LRRIQ1: variants seen among roughly 807,000 people sequenced by gnomAD.
LRRIQ1 encodes the protein leucine-rich repeat- and IQ domain-containing protein 1.
In LRRIQ1, 210 loss-of-function variants were observed where a neutral mutation model predicts 211.9. The observed-to-expected ratio is 0.99, with a 90% CI of 0.89 to 1.11. LRRIQ1 has a LOEUF of 1.11. Among genes scored for constraint, LRRIQ1 ranks in the 50% most tolerant of loss-of-function variants. The probability of loss-of-function intolerance (pLI) is 0.00; values close to 1 mark genes in which losing one functional copy is unlikely to be tolerated. For missense variants in LRRIQ1, 2,136 were observed against 1,939.5 expected, an observed-to-expected ratio of 1.10 and a Z score of -1.90; for synonymous variants, 699 against 650.1, an observed-to-expected ratio of 1.08 and a Z score of -1.14.
At chr12:85,092,894 T>C (rs1034115746) in intron 11 of LRRIQ1, among the ~76,000 whole-genome samples, 1 of 152,188 alleles carries the variant, frequency 6.6e-6, no homozygotes, top group Non-Finnish European at 1.5e-5. Flanking sequence ...GCTAATGACA[T>C]TTGTCATGAA....
chr12:85,264,572 A>G (rs567561279), downstream of LRRIQ1: 1 of 152,212 alleles, frequency 6.6e-6, no homozygotes, highest in South Asian at 2.1e-4. Flanking sequence ...AGCACTACTT[A>G]ATTCATGTTG....
intron 18 of LRRIQ1, among the ~76,000 whole-genome samples, chr12:85,137,644 A>C (rs1428656834): frequency 6.6e-6 from 1 of 151,626 alleles, no homozygotes; most frequent in Non-Finnish European, 1.5e-5. Context: ...ACTACAAGGA[A>C]AGTCTCCTGA....
At chr12:85,163,506 T>C (rs530809259) in intron 24 of LRRIQ1, among the ~76,000 whole-genome samples, 12 of 152,280 alleles carry the variant, frequency 7.9e-5, no homozygotes, top group African/African-American at 2.6e-4. Context: ...ACTGCTTGAC[T>C]ATTGCTTTCC....
intron 24 of LRRIQ1, among the ~76,000 whole-genome samples, chr12:85,198,077 T>A (rs1893074773): frequency 9.2e-6 from 1 of 108,170 alleles, no homozygotes; most frequent in African/African-American, 3.8e-5. Context: ...ATTATTTATA[T>A]ATAATTTATT....
At chr12:85,069,462 G>T (rs1429954185) in intron 10 of LRRIQ1, among the ~76,000 whole-genome samples, 8 of 151,974 alleles carry the variant, frequency 5.3e-5, no homozygotes, top group African/African-American at 1.7e-4. Flanking sequence ...TCCTAGTAAT[G>T]GGATGGCTGG....
intron 24 of LRRIQ1, among the ~76,000 whole-genome samples, chr12:85,214,888 A>C (rs994039004): frequency 6.6e-6 from 1 of 152,166 alleles, no homozygotes; most frequent in African/African-American, 2.4e-5. Context: ...GAAAGATGTC[A>C]TAATAGTAGT....
chr12:85,256,576 C>G (rs1896100967), intron 1 of LRRIQ1, among the ~76,000 whole-genome samples: 1 of 151,452 alleles, frequency 6.6e-6, no homozygotes, highest in African/African-American at 2.4e-5. Context: ...ATGAAAGTTT[C>G]CATGAAAAAT....
Position 85,071,897 on chromosome 12 carries a change from G to A in LRRIQ1, c.2696-1010G>A, listed in dbSNP as rs148945128. ...TATCTCCACCTGGCCTGCCCTTGAC[G>A]TGTGGGGATTATTACAATTCAAGGT... is the stretch of plus-strand genomic sequence containing the variant. On this transcript the variant is annotated intron_variant, in intron 10 of 26. Coordinates refer to ENST00000393217, the MANE Select transcript of LRRIQ1 (RefSeq NM_001079910.2). 3.1e-3 allele frequency among the ~76,000 whole-genome samples: 464 copies of A among 152,102 alleles called. 1 individual carries two copies. Among genetic ancestry groups the A allele is most frequent in the African/African-American group, 0.01 (427 of 41,520 alleles).
At chr12:85,114,093 C>T (rs932240699) in intron 15 of LRRIQ1, among the ~76,000 whole-genome samples, 1 of 152,062 alleles carries the variant, frequency 6.6e-6, no homozygotes, top group Non-Finnish European at 1.5e-5. Flanking sequence ...TTAAAGTACT[C>T]CTAATCTCCA....
intron 26 of LRRIQ1, among the ~76,000 whole-genome samples, chr12:85,239,082 C>G (rs1019977328): frequency 2.0e-5 from 3 of 151,902 alleles, no homozygotes; most frequent in Non-Finnish European, 4.4e-5. Context: ...CTCATAACTG[C>G]AAAACACTGC....
At chr12:85,215,802 G>T (rs925112827) in intron 24 of LRRIQ1, among the ~76,000 whole-genome samples, 2 of 152,036 alleles carry the variant, frequency 1.3e-5, no homozygotes, top group Non-Finnish European at 2.9e-5. Flanking sequence ...AATAAAAAAA[G>T]AACCGTATCT....
chr12:85,142,080 T>C (rs929053400), intron 19 of LRRIQ1, among the ~76,000 whole-genome samples: 1 of 151,480 alleles, frequency 6.6e-6, no homozygotes, highest in Non-Finnish European at 1.5e-5. Context: ...TCTCTAAGAA[T>C]AGAATTCTAG....
chr12:85,088,780 A>G (rs952730421), intron 11 of LRRIQ1, among the ~76,000 whole-genome samples: 3 of 152,134 alleles, frequency 2.0e-5, no homozygotes, highest in Non-Finnish European at 4.4e-5. Flanking sequence ...TGATTTTTGC[A>G]CATTGATTTT....
chr12:85,101,930 T>C (rs1015662851), intron 13 of LRRIQ1, among the ~76,000 whole-genome samples: 1 of 151,700 alleles, frequency 6.6e-6, no homozygotes, highest in Non-Finnish European at 1.5e-5. Flanking sequence ...TATAACTTAC[T>C]GGCTAAAAAC....
intron 3 of LRRIQ1, among the ~76,000 whole-genome samples, chr12:85,041,984 T>C (rs1031748402): frequency 6.6e-6 from 1 of 152,010 alleles, no homozygotes; most frequent in Non-Finnish European, 1.5e-5. Flanking sequence ...TGAATTGCTA[T>C]GTAAAGATTT....
rs868352333 is a variant in LRRIQ1 at position 85,175,682 on chromosome 12, A to G, written c.4822+14968A>G. On this transcript the variant is annotated intron_variant, in intron 24 of 26. Coordinates refer to ENST00000393217, the MANE Select transcript of LRRIQ1 (RefSeq NM_001079910.2). Reference sequence around the variant, plus strand: ...TAATCCATCTTGAATTGATTTTTGTATAAGGTGTAAGGAAGGGATCCAGTT... The same window carrying G: ...TAATCCATCTTGAATTGATTTTTGTGTAAGGTGTAAGGAAGGGATCCAGTT... 6.6e-5 allele frequency among the ~76,000 whole-genome samples: 10 copies of G among 152,182 alleles called. No homozygotes were observed. The East Asian group carries it at 1.4e-3, about 21-fold the overall frequency.
At position 85,137,884 on chromosome 12, in the gene LRRIQ1, T is replaced by G. The variant is rs1409751950; in HGVS notation, c.4244T>G (p.Leu1415Arg). The change falls in exon 19 of 27, where the codon CTG (leucine) becomes CGG (arginine). Residue 1415 changes from leucine (L) to arginine (R), a missense_variant. Coordinates refer to ENST00000393217, the MANE Select transcript of LRRIQ1 (RefSeq NM_001079910.2). ...AAGGGCTTTATTTTGCGAAAGAAAC[T>G]GACAACAGCTCTAGAGGCTATTAAG... ...VWKGFILRKK[L>R]TTALEAIKNE... 2 of 1,593,114 alleles carry G rather than the reference T, an allele frequency of 1.3e-6. No homozygotes were observed. The highest frequency in any genetic ancestry group is 8.5e-7 in the Non-Finnish European group (1 of 1,169,598).
chr12:85,158,250 A>G (rs7980616), intron 23 of LRRIQ1, among the ~76,000 whole-genome samples: 36,132 of 151,636 alleles, frequency 0.24, 4,881 homozygotes, highest in African/African-American at 0.34. Flanking sequence ...AAAAAAAAAA[A>G]CTAGATAAAA....
chr12:85,140,509 T>C (rs1889464009), intron 19 of LRRIQ1, among the ~76,000 whole-genome samples: 1 of 151,354 alleles, frequency 6.6e-6, no homozygotes, highest in Non-Finnish European at 1.5e-5. Flanking sequence ...ATATTTTGAA[T>C]ATACTGTATA....
Sources: allele counts gnomAD v4.1 joint callset (sites outside exome capture counted in the v4.1 genomes callset), GRCh38; gene constraint gnomAD v4.1.1; transcripts MANE v1.5; gene names NCBI Gene and HGNC (gene_info 2026-07-23, HGNC 2026-07-21).